Variants in MYO1B observed in about 807,000 individuals in gnomAD.
MYO1B encodes the protein unconventional myosin-Ib.
Under a neutral mutation model 159.7 loss-of-function variants are expected in MYO1B, and 72 were observed. The observed-to-expected ratio is 0.45, with a 90% CI of 0.37 to 0.55. The LOEUF is 0.55. Ranked by LOEUF, MYO1B falls within the 20% of genes least tolerant of loss-of-function variation. The probability of loss-of-function intolerance (pLI) is 0.00; values close to 1 mark genes in which losing one functional copy is unlikely to be tolerated. For synonymous variants in MYO1B, 468 were observed against 473.8 expected (o/e 0.99, Z 0.16); for missense variants, 1,062 against 1,364.8 (o/e 0.78, Z 3.50).
In MYO1B at chr2:191,364,169, A is replaced by G; in HGVS notation, c.925A>G (p.Ile309Val). Reference sequence around the variant, plus strand: ...CTGCCTTCCCACAGAGTTAAAAGAAATTTGTGAATTGACCGGCATTGATCA... The same window carrying G: ...CTGCCTTCCCACAGAGTTAAAAGAAGTTTGTGAATTGACCGGCATTGATCA... ...KIKDKNELKEICELTGIDQSV... is the reference protein window; with the variant it reads ...KIKDKNELKEVCELTGIDQSV... The change falls in exon 11 of 31, where the codon ATT (isoleucine) becomes GTT (valine). Residue 309 changes from isoleucine (I) to valine (V), a missense_variant. Physicochemically the swap from Ile to Val is conservative, Grantham distance 29. Transcript: ENST00000392318. 1 of 1,613,820 alleles carries G rather than the reference A, an allele frequency of 6.2e-7. No homozygotes were observed. The highest frequency in any genetic ancestry group is 8.5e-7 in the Non-Finnish European group (1 of 1,179,776).
chr2:191,342,050 A>T (rs949659306), intron 5 of MYO1B, among the ~76,000 whole-genome samples: 1 of 152,178 alleles, frequency 6.6e-6, no homozygotes, highest in African/African-American at 2.4e-5. Context: ...TTGGGCTGCC[A>T]TAACAAAGTA....
At chr2:191,421,601 G>A (rs573895250) in intron 30 of MYO1B, among the ~76,000 whole-genome samples, 5 of 151,996 alleles carry the variant, frequency 3.3e-5, no homozygotes, top group Non-Finnish European at 5.9e-5. Flanking sequence ...TCAGCTTCCC[G>A]AGTAGCTGGA....
At chr2:191,332,556 T>A (rs1691558243) in intron 4 of MYO1B, among the ~76,000 whole-genome samples, 1 of 152,210 alleles carries the variant, frequency 6.6e-6, no homozygotes, top group African/African-American at 2.4e-5. Flanking sequence ...TGGGTGATAA[T>A]GATACTAGCT....
At chr2:191,268,136 C>T (rs765626872) in intron 1 of MYO1B, among the ~76,000 whole-genome samples, 2 of 152,184 alleles carry the variant, frequency 1.3e-5, no homozygotes, top group Non-Finnish European at 2.9e-5. Flanking sequence ...TCTGATTGAG[C>T]TGCTGTAACA....
intron 13 of MYO1B, among the ~76,000 whole-genome samples, chr2:191,372,990 G>T (rs1365945500): frequency 7.2e-6 from 1 of 138,158 alleles, no homozygotes; most frequent in African/African-American, 2.7e-5. Flanking sequence ...GGGTTCAAGT[G>T]ATTTTCCTGC....
chr2:191,248,328 C>T (rs1024214015), intron 1 of MYO1B, among the ~76,000 whole-genome samples: 1 of 152,122 alleles, frequency 6.6e-6, no homozygotes, highest in Non-Finnish European at 1.5e-5. Context: ...TACAGATGCT[C>T]CTAGATTTAC....
At chr2:191,313,192 C>CTTT (rs762175060) in intron 3 of MYO1B, among the ~76,000 whole-genome samples, 1,059 of 42,992 alleles carry the variant, frequency 0.025, 316 homozygotes, top group Middle Eastern at 0.12. Context: ...GCACACATGG[C>CTTT]TTTTTTTTTT....
intron 3 of MYO1B, among the ~76,000 whole-genome samples, chr2:191,307,474 T>G (rs1428248660): frequency 6.6e-6 from 1 of 152,154 alleles, no homozygotes; most frequent in African/African-American, 2.4e-5. Context: ...TGGGCTGACC[T>G]TCTCTCTCAC....
chr2:191,259,769 T>C (rs1201927492), intron 1 of MYO1B, among the ~76,000 whole-genome samples: 1 of 152,170 alleles, frequency 6.6e-6, no homozygotes, highest in Non-Finnish European at 1.5e-5. Context: ...CAGAAAGAGT[T>C]GGAGTCTGGG....
At chr2:191,269,600 C>A (rs1296814833) in intron 1 of MYO1B, among the ~76,000 whole-genome samples, 1 of 152,140 alleles carries the variant, frequency 6.6e-6, no homozygotes, top group Non-Finnish European at 1.5e-5. Flanking sequence ...GGCTGAAAGG[C>A]ACTGGAGAGT....
At chr2:191,248,011 G>A (rs969265506) in intron 1 of MYO1B, 277 of 985,318 alleles carry the variant, frequency 2.8e-4, no homozygotes, top group Non-Finnish European at 3.3e-4. Flanking sequence ...GGAGTGAGGT[G>A]AGTGGGTGGT....
At chr2:191,249,740 T>G (rs549840458) in intron 1 of MYO1B, among the ~76,000 whole-genome samples, 1 of 152,338 alleles carries the variant, frequency 6.6e-6, no homozygotes, top group South Asian at 2.1e-4. Context: ...AAGTTCTGCC[T>G]TGTTTATTTA....
chr2:191,296,284 A>G, intron 3 of MYO1B, 58 bp downstream of exon 3: 2 of 946,128 alleles, frequency 2.1e-6, no homozygotes. Flanking sequence ...TGTAGTTGAC[A>G]GATGTGTGCA....
chr2:191,291,035 C>T (rs1480590848), intron 2 of MYO1B, among the ~76,000 whole-genome samples: 4 of 152,158 alleles, frequency 2.6e-5, no homozygotes, highest in Admixed American at 6.5e-5. Context: ...GACCCCTGGC[C>T]GTTCCCTACA....
chr2:191,339,212 C>G (rs1039909778), intron 4 of MYO1B, among the ~76,000 whole-genome samples: 9 of 152,060 alleles, frequency 5.9e-5, no homozygotes, highest in African/African-American at 2.2e-4. Context: ...GCAGCCTCAC[C>G]TGAATTGAAA....
chr2:191,332,000 T>C (rs1691512255), intron 4 of MYO1B, among the ~76,000 whole-genome samples: 1 of 152,254 alleles, frequency 6.6e-6, no homozygotes, highest in South Asian at 2.1e-4. Context: ...CTCGCTCTTA[T>C]AGCCCTGGCT....
chr2:191,292,200 C>T (rs1402410475), intron 2 of MYO1B, among the ~76,000 whole-genome samples: 2 of 152,170 alleles, frequency 1.3e-5, no homozygotes, highest in Non-Finnish European at 2.9e-5. Flanking sequence ...TAAAACTTGT[C>T]CTGCTTGGCA....
At chr2:191,280,605 C>T (rs1310408700) in intron 2 of MYO1B, among the ~76,000 whole-genome samples, 2 of 152,130 alleles carry the variant, frequency 1.3e-5, no homozygotes, top group Non-Finnish European at 2.9e-5. Flanking sequence ...CTTCTCAAAC[C>T]ATTGACTGTG....
chr2:191,387,178 A>G (rs1327056925), intron 16 of MYO1B, 46 bp from the exon 17 acceptor site: 2 of 1,553,402 alleles, frequency 1.3e-6, no homozygotes, highest in Non-Finnish European at 1.8e-6. Context: ...GTTTGACATT[A>G]TAGCATGCAA....
Sources: gnomAD v4.1 joint callset for allele counts (sites outside exome capture counted in the v4.1 genomes callset) on GRCh38, gnomAD v4.1.1 for gene constraint, MANE v1.5 for transcripts, NCBI Gene and HGNC (gene_info 2026-07-23, HGNC 2026-07-21) for gene names.